PTPRG: variants seen among roughly 807,000 people sequenced by gnomAD.
PTPRG encodes the protein receptor-type tyrosine-protein phosphatase gamma.
In PTPRG, 102 loss-of-function variants were observed where a neutral mutation model predicts 165.3. The ratio of observed to expected loss-of-function variants is 0.62; its 90% CI spans 0.53 to 0.73. The LOEUF (loss-of-function observed/expected upper bound fraction) is 0.73, where lower values mean the gene tolerates loss of function less well. Ranked by LOEUF, PTPRG falls within the 30% of genes least tolerant of loss-of-function variation. The pLI, the probability that PTPRG is intolerant of heterozygous loss-of-function variation, is 0.00. For synonymous variants in PTPRG, 675 were observed against 669.5 expected (o/e 1.01, Z -0.13); for missense variants, 1,866 against 1,861.4 (o/e 1.00, Z -0.05).
At chr3:61,903,520 C>T (rs867840736) in intron 2 of PTPRG, among the ~76,000 whole-genome samples, 4 of 152,080 alleles carry the variant, frequency 2.6e-5, no homozygotes, top group African/African-American at 4.8e-5. Context: ...ATTACAGGTG[C>T]CTACCACTAA....
intron 1 of PTPRG, among the ~76,000 whole-genome samples, chr3:61,587,709 T>G (rs973112977): frequency 6.6e-6 from 1 of 152,182 alleles, no homozygotes; most frequent in Non-Finnish European, 1.5e-5. Context: ...CAGGCTGGAG[T>G]CCAGTGGCAC....
chr3:61,747,409 C>G (rs2033253158), intron 1 of PTPRG, among the ~76,000 whole-genome samples: 1 of 152,190 alleles, frequency 6.6e-6, no homozygotes, highest in South Asian at 2.1e-4. Context: ...CTACCTTGTA[C>G]TTGAAAAATG....
intron 2 of PTPRG, among the ~76,000 whole-genome samples, chr3:61,902,234 G>C (rs2038517525): frequency 6.6e-6 from 1 of 152,174 alleles, no homozygotes; most frequent in Admixed American, 6.5e-5. Flanking sequence ...ATGAATGTTA[G>C]GGTGGCCTAA....
In PTPRG at chr3:61,975,761, T is replaced by C. The variant is rs551165217; in HGVS notation, c.191-13864T>C. ...GCATGTGTTTCTCCTCCATCAATGA[T>C]CTGTTTAGCCCCTAAAATTATAATA... On this transcript the variant is annotated intron_variant, in intron 2 of 29. Coordinates refer to ENST00000474889, the MANE Select transcript of PTPRG (RefSeq NM_002841.4). Among the ~76,000 whole-genome samples, 5 of 152,274 alleles carry C rather than the reference T, an allele frequency of 3.3e-5. No homozygotes were observed. In the East Asian group the frequency reaches 9.6e-4, roughly 29 times the overall value.
At chr3:61,853,094 C>T (rs623843) in intron 2 of PTPRG, among the ~76,000 whole-genome samples, 23,889 of 152,086 alleles carry the variant, frequency 0.16, 1,880 homozygotes, top group Middle Eastern at 0.19. Context: ...CTTGTCCTTG[C>T]GGAGCTTACG....
intron 2 of PTPRG, among the ~76,000 whole-genome samples, chr3:61,964,149 G>A (rs1212137015): frequency 2.0e-5 from 3 of 152,188 alleles, no homozygotes; most frequent in African/African-American, 7.2e-5. Context: ...GAGCACAATG[G>A]TTAATGTGTT....
chr3:62,245,740 G>T lies in PTPRG; in HGVS notation c.2467+1842G>T, dbSNP rs527430331. Among the ~76,000 whole-genome samples, 33 of 152,180 alleles carry T rather than the reference G, an allele frequency of 2.2e-4. No individual in the cohort carries two copies. Among genetic ancestry groups the T allele is most frequent in the Non-Finnish European group, 4.3e-4 (29 of 67,978 alleles). ...ATACATTAAGCGAAACGTGTAAGCT[G>T]TTGCAACTTTCCTTCCCAAATCATG... On this transcript the variant is annotated intron_variant, in intron 15 of 29. Transcript: ENST00000474889. The surrounding 1 kb of genome is among the most constrained non-coding windows in gnomAD (Gnocchi z 4.2).
At chr3:62,265,871 CACACGTATACATCTGTGCCTTATAT>C (rs1376376042) in intron 17 of PTPRG, among the ~76,000 whole-genome samples, 3 of 109,032 alleles carry the variant, frequency 2.8e-5, no homozygotes, top group Non-Finnish European at 6.0e-5. Context: ...CACACACACA[CACACGTATACATCTGTGCCTTATAT>C]ACACACACAC....
At chr3:62,062,125 C>A (rs1222324378) in intron 4 of PTPRG, among the ~76,000 whole-genome samples, 1 of 151,922 alleles carries the variant, frequency 6.6e-6, no homozygotes, top group Non-Finnish European at 1.5e-5. Context: ...CATGGAGAAA[C>A]CCCATCTCTA....
chr3:61,979,320 T>A lies in PTPRG; in HGVS notation c.191-10305T>A, dbSNP rs570021952. Among the ~76,000 whole-genome samples the A allele has an allele frequency of 6.6e-5, 10 of 152,352 alleles. No individual in the cohort carries two copies. The South Asian group carries it at 2.1e-3, about 32-fold the overall frequency. The stretch of plus-strand genomic sequence containing the variant: ...ACTCATTTAAAATTTTATGACACTT[T>A]TGAAATATTATTTGTTTTGATAACT... On this transcript the variant is annotated intron_variant, in intron 2 of 29. Coordinates refer to ENST00000474889, the MANE Select transcript of PTPRG (RefSeq NM_002841.4).
intron 1 of PTPRG, among the ~76,000 whole-genome samples, chr3:61,640,194 C>A (rs1410478272): frequency 6.6e-6 from 1 of 152,176 alleles, no homozygotes; most frequent in African/African-American, 2.4e-5. Flanking sequence ...TGATTGACAG[C>A]TTGGTTTCCT....
At chr3:61,564,066 CCCACTGGAGTCCTGCCTCTA>C (rs1559504833) in intron 1 of PTPRG, among the ~76,000 whole-genome samples, 1 of 152,190 alleles carries the variant, frequency 6.6e-6, no homozygotes, top group Non-Finnish European at 1.5e-5. Context: ...CTGGGGTTTG[CCCACTGGAGTCCTGCCTCTA>C]CGGCCTCTAC....
chr3:62,245,239 A>G lies in PTPRG; in HGVS notation c.2467+1341A>G, dbSNP rs1017735028. Among the ~76,000 whole-genome samples, 1 of 152,106 alleles carries G rather than the reference A, an allele frequency of 6.6e-6. No individual in the cohort carries two copies. The highest frequency in any genetic ancestry group is 1.5e-5 in the Non-Finnish European group (1 of 68,002). On this transcript the variant is annotated intron_variant, in intron 15 of 29. Transcript: ENST00000474889. The surrounding 1 kb of genome is among the most constrained non-coding windows in gnomAD (Gnocchi z 4.2). ...TGCCCCTTTTTCCTTGCTGAAGGAG[A>G]CTACTTTTCCTTTGAGAGTAGAGAA...
At chr3:61,650,266 A>G (rs1702314915) in intron 1 of PTPRG, among the ~76,000 whole-genome samples, 1 of 152,208 alleles carries the variant, frequency 6.6e-6, no homozygotes, top group African/African-American at 2.4e-5. Context: ...GGCACCATGT[A>G]CCTTGATCCT....
At chr3:62,162,117 T>C (rs1704788491) in intron 7 of PTPRG, among the ~76,000 whole-genome samples, 2 of 152,316 alleles carry the variant, frequency 1.3e-5, no homozygotes, top group South Asian at 4.1e-4. Flanking sequence ...TGCCCAAGTC[T>C]TGTGGACAGG....
At chr3:61,681,074 AAAAG>A (rs1703425147) in intron 1 of PTPRG, among the ~76,000 whole-genome samples, 1 of 151,120 alleles carries the variant, frequency 6.6e-6, no homozygotes, top group Non-Finnish European at 1.5e-5. Flanking sequence ...AAAAAAAAAA[AAAAG>A]AAGAAGAAAG....
chr3:61,951,600 C>A (rs977119783), intron 2 of PTPRG, among the ~76,000 whole-genome samples: 2 of 152,140 alleles, frequency 1.3e-5, no homozygotes, highest in African/African-American at 4.8e-5. Context: ...GAGGACTCCC[C>A]TAATTTCCTG....
At chr3:62,088,540 C>T (rs964901520) in intron 5 of PTPRG, among the ~76,000 whole-genome samples, 2 of 152,200 alleles carry the variant, frequency 1.3e-5, no homozygotes, top group African/African-American at 4.8e-5. Context: ...TGCCCTATTC[C>T]TACATATCCT....
At chr3:61,628,387 G>GCTCACTGCAGCCTCTGC (rs1396272969) in intron 1 of PTPRG, among the ~76,000 whole-genome samples, 9 of 151,984 alleles carry the variant, frequency 5.9e-5, no homozygotes, top group African/African-American at 2.2e-4. Flanking sequence ...CATGGTCTTG[G>GCTCACTGCAGCCTCTGC]CTCACTGCAG....
Sources: allele counts gnomAD v4.1 joint callset (sites outside exome capture counted in the v4.1 genomes callset), GRCh38; gene constraint gnomAD v4.1.1; non-coding constraint Gnocchi (gnomAD v3.1); transcripts MANE v1.5; gene names NCBI Gene and HGNC (gene_info 2026-07-23, HGNC 2026-07-21).